The following SUPT3H variants were observed in gnomAD, a reference collection of about 807,000 sequenced individuals.
SUPT3H encodes SPT3 homolog, SAGA and STAGA complex component.
In SUPT3H, 44 loss-of-function variants were observed where a neutral mutation model predicts 44.3. That is an observed-to-expected ratio of 0.99 (90% CI 0.78 to 1.28). SUPT3H has a LOEUF of 1.28. Among genes scored for constraint, SUPT3H ranks in the 50% most tolerant of loss-of-function variants. The pLI, the probability that SUPT3H is intolerant of heterozygous loss-of-function variation, is 0.00. For missense variants in SUPT3H, 380 were observed against 387.1 expected (o/e 0.98, Z 0.15); for synonymous variants, 124 against 125.6 (o/e 0.99, Z 0.09).
At chr6:45,303,248 C>A (rs1782436543) in intron 2 of SUPT3H, among the ~76,000 whole-genome samples, 1 of 152,056 alleles carries the variant, frequency 6.6e-6, no homozygotes, top group Non-Finnish European at 1.5e-5. Context: ...GCAAATATAA[C>A]AAAAACAAAG....
chr6:45,369,781 C>T (rs573560276), intron 1 of SUPT3H, among the ~76,000 whole-genome samples: 1 of 152,176 alleles, frequency 6.6e-6, no homozygotes, highest in African/African-American at 2.4e-5. Context: ...AAGAGACAAG[C>T]ACATAAACAA....
intron 6 of SUPT3H, among the ~76,000 whole-genome samples, chr6:44,982,289 T>C (rs1779205030): frequency 2.0e-5 from 3 of 152,098 alleles, no homozygotes; most frequent in Admixed American, 1.3e-4. Flanking sequence ...TGTGGCACAA[T>C]ATCAGCTCAC....
intron 2 of SUPT3H, among the ~76,000 whole-genome samples, chr6:45,349,416 G>C (rs1243353714): frequency 6.6e-6 from 1 of 152,186 alleles, no homozygotes; most frequent in African/African-American, 2.4e-5. Flanking sequence ...GGCACTACAA[G>C]ATGACATTAT....
chr6:45,356,253 G>A lies in SUPT3H; in HGVS notation c.101+8948C>T, dbSNP rs1050533378. ...AAAATCTACATAGGTGTCCAAAAAA[G>A]ATATATTTGCAAAAGATGGCATACT... On this transcript the variant is annotated intron_variant, in intron 2 of 10. Coordinates refer to ENST00000371459, the MANE Select transcript of SUPT3H (RefSeq NM_003599.4). Among the ~76,000 whole-genome samples, 2 of 151,396 alleles carry A rather than the reference G, an allele frequency of 1.3e-5. 1 individual carries two copies. The highest frequency in any genetic ancestry group is 1.3e-4 in the Admixed American group (2 of 15,194).
chr6:44,953,536 C>A, intron 8 of SUPT3H, 119 bp from the exon 9 acceptor site: 3 of 761,866 alleles, frequency 3.9e-6, no homozygotes, highest in Non-Finnish European at 4.4e-6. Context: ...GCCTAAAAAT[C>A]TATATTGTAG....
intron 2 of SUPT3H, among the ~76,000 whole-genome samples, chr6:45,224,928 T>C (rs959775961): frequency 1.3e-5 from 2 of 152,124 alleles, no homozygotes; most frequent in Non-Finnish European, 2.9e-5. Context: ...AAGTTATCAT[T>C]ATGTGTATTT....
chr6:45,041,259 A>T (rs1583211250), intron 3 of SUPT3H, among the ~76,000 whole-genome samples: 1 of 152,226 alleles, frequency 6.6e-6, no homozygotes, highest in East Asian at 1.9e-4. Context: ...CAGGGGAGAC[A>T]CCTACATTAG....
chr6:44,833,183 A>ATAAAC (rs1257184811), intron 10 of SUPT3H, among the ~76,000 whole-genome samples: 1 of 152,156 alleles, frequency 6.6e-6, no homozygotes, highest in African/African-American at 2.4e-5. Context: ...CAAATCTTAA[A>ATAAAC]TAAACTAGCA....
intron 1 of SUPT3H, among the ~76,000 whole-genome samples, chr6:45,372,904 G>A (rs543496057): frequency 4.6e-5 from 7 of 152,076 alleles, no homozygotes; most frequent in African/African-American, 1.4e-4. Context: ...TGCAACCTCC[G>A]CCTCCAGGGT....
At chr6:45,094,516 T>A (rs953287744) in intron 3 of SUPT3H, among the ~76,000 whole-genome samples, 1 of 152,076 alleles carries the variant, frequency 6.6e-6, no homozygotes, top group African/African-American at 2.4e-5. Context: ...GAAAAAAATA[T>A]GTTAAGAGTG....
intron 10 of SUPT3H, among the ~76,000 whole-genome samples, chr6:44,862,520 T>C (rs1385230856): frequency 6.6e-6 from 1 of 151,562 alleles, no homozygotes; most frequent in African/African-American, 2.4e-5. Context: ...CTACTAAAAA[T>C]ACAAAAATTA....
chr6:44,930,069 G>A (rs1309305845), intron 10 of SUPT3H, among the ~76,000 whole-genome samples: 7 of 151,896 alleles, frequency 4.6e-5, no homozygotes, highest in African/African-American at 1.2e-4. Flanking sequence ...CCAACATGGC[G>A]AAGTTCTACT....
chr6:45,364,216 A>T (rs1324867087), intron 2 of SUPT3H, among the ~76,000 whole-genome samples: 2 of 152,170 alleles, frequency 1.3e-5, no homozygotes, highest in Non-Finnish European at 2.9e-5. Flanking sequence ...TAAAAGTATA[A>T]AAGGATCCTA....
At chr6:44,950,839 ATTTTTTATTTATTTTT>A (rs1236860947) in intron 9 of SUPT3H, among the ~76,000 whole-genome samples, 1 of 98,352 alleles carries the variant, frequency 1.0e-5, no homozygotes, top group Admixed American at 1.0e-4. Flanking sequence ...TATTATTATT[ATTTTTTATTTATTTTT>A]TATTTTTTAT....
At position 45,020,591 on chromosome 6, in the gene SUPT3H, C is replaced by G. The variant is rs1412492492; in HGVS notation, c.228G>C (p.Arg76Ser). Residue 76 changes from arginine (R) to serine (S), a missense_variant, in exon 4 of 11, where the codon AGG becomes AGC. Arg to Ser is a moderately radical substitution (Grantham distance 110). Transcript: ENST00000371459. ...ACAGAAGATCTTCAGGAGTGATTAC[C>G]CTTGCTCCCCGCAGCTGAGAAACTT... ...AAEVSQLRGA[R>S]VITPEDLLFL... 1.2e-6 allele frequency: 2 copies of G among 1,611,522 alleles called. No homozygotes were observed.
At position 45,238,119 on chromosome 6, in the gene SUPT3H, A is replaced by C. The variant is rs147176462; in HGVS notation, c.101+127082T>G. Among the ~76,000 whole-genome samples the C allele has an allele frequency of 1.7e-3, 252 of 152,290 alleles. 3 individuals are homozygous for C. Among genetic ancestry groups the C allele is most frequent in the African/African-American group, 5.9e-3 (246 of 41,566 alleles). On this transcript the variant is annotated intron_variant, in intron 2 of 10. Transcript: ENST00000371459. Reference sequence around the variant, plus strand: ...TTGCCAGACTTATGTAGGGCAAGCAATTGAACCTACTCGTAAAAAAATTTT... The same window carrying C: ...TTGCCAGACTTATGTAGGGCAAGCACTTGAACCTACTCGTAAAAAAATTTT...
chr6:45,337,861 A>T (rs916410827), intron 2 of SUPT3H, among the ~76,000 whole-genome samples: 1 of 152,012 alleles, frequency 6.6e-6, no homozygotes, highest in Non-Finnish European at 1.5e-5. Context: ...TGTAAGTAGA[A>T]ATAAGATTTT....
intron 6 of SUPT3H, among the ~76,000 whole-genome samples, chr6:44,986,010 C>T (rs1779737275): frequency 6.6e-6 from 1 of 152,088 alleles, no homozygotes; most frequent in African/African-American, 2.4e-5. Flanking sequence ...TGAGGGTTCA[C>T]GTTTGTAAAC....
At chr6:45,267,348 G>A (rs1342470323) in intron 2 of SUPT3H, among the ~76,000 whole-genome samples, 2 of 152,126 alleles carry the variant, frequency 1.3e-5, no homozygotes, top group African/African-American at 2.4e-5. Flanking sequence ...CTTTTATAGA[G>A]TAAAAAGGAA....
Sources: allele counts gnomAD v4.1 joint callset (sites outside exome capture counted in the v4.1 genomes callset), GRCh38; gene constraint gnomAD v4.1.1; transcripts MANE v1.5; gene names NCBI Gene and HGNC (gene_info 2026-07-23, HGNC 2026-07-21).